Variants in CENPE observed in about 807,000 individuals in gnomAD.
CENPE encodes centromere-associated protein E.
CENPE carries 145 observed loss-of-function variants against 336.1 expected under a neutral mutation model. The observed-to-expected ratio is 0.43, with a 90% CI of 0.38 to 0.50. The LOEUF is 0.50. CENPE is among the 20% of genes least tolerant of loss of function. CENPE has a pLI of 0.00. For missense variants in CENPE, 2,719 were observed against 3,023.3 expected (o/e 0.90, Z 2.36); for synonymous variants, 1,013 against 984.8 (o/e 1.03, Z -0.54).
At chr4:103,152,860 T>C (rs894711089) in intron 25 of CENPE, among the ~76,000 whole-genome samples, 187 bp downstream of exon 25, 1 of 152,070 alleles carries the variant, frequency 6.6e-6, no homozygotes, top group East Asian at 1.9e-4. Flanking sequence ...CTGGGGGTGA[T>C]GGAAACATCT....
At chr4:103,192,222 T>C (rs1310536150) in intron 8 of CENPE, among the ~76,000 whole-genome samples, 8 of 152,146 alleles carry the variant, frequency 5.3e-5, no homozygotes, top group African/African-American at 1.9e-4. Context: ...TAATTTTTCT[T>C]GCACAGTGTC....
intron 42 of CENPE, among the ~76,000 whole-genome samples, chr4:103,124,898 G>A (rs192934270): frequency 5.3e-5 from 8 of 152,230 alleles, no homozygotes; most frequent in Admixed American, 3.9e-4. Context: ...AGTTATTAAT[G>A]CCTACTCTTA....
At position 103,149,388 on chromosome 4, in the gene CENPE, T is replaced by C. The variant is rs760007081; in HGVS notation, c.3417A>G (p.Lys1139=). 2.5e-5 allele frequency: 39 copies of C among 1,568,670 alleles called. No individual in the cohort carries two copies. The South Asian group carries it at 4.7e-4, about 19-fold the overall frequency. ...LKEKSQQLQE[K]QQQLLNVQEE... is the part of the protein sequence containing the mutation. ...CTTGTACATTAAGAAGTTGTTGCTG[T>C]TTTTCTTGGAGTTGCTGGCTCTTAA... Residue 1139 remains lysine, a synonymous_variant, in exon 27 of 49, where the codon AAA becomes AAG. Coordinates refer to ENST00000265148, the MANE Select transcript of CENPE (RefSeq NM_001813.3).
chr4:103,114,273 T>C (rs1399595083), intron 46 of CENPE, among the ~76,000 whole-genome samples, 182 bp downstream of exon 46: 1 of 152,172 alleles, frequency 6.6e-6, no homozygotes, highest in Non-Finnish European at 1.5e-5. Context: ...GCATCTAAGA[T>C]TACAACAAAC....
chr4:103,141,695 A>G (rs1578593499), intron 35 of CENPE, 55 bp downstream of exon 35: 15 of 1,296,588 alleles, frequency 1.2e-5, no homozygotes, highest in African/African-American at 3.0e-5. Context: ...ATCCCCAACA[A>G]TTTTAGGCAC....
At chr4:103,174,172 T>TAA (rs201538196) in intron 16 of CENPE, among the ~76,000 whole-genome samples, 7,519 of 143,106 alleles carry the variant, frequency 0.053, 322 homozygotes, top group Admixed American at 0.11. Context: ...TTCAGCTATT[T>TAA]AAAAAAAAAA....
In CENPE at chr4:103,195,174, A is replaced by G. The variant is rs368208106; in HGVS notation, c.417T>C (p.Ile139=). ...TTTGAGTGCCACAGAGTAAATCTGT[A>G]ATGGTTTCATTGTATATTTCCATGT... ...VSYMEIYNET[I]TDLLCGTQKM... is the part of the protein sequence containing the mutation. The change falls in exon 5 of 49, where the codon ATT becomes ATC. Residue 139 remains isoleucine (I), a synonymous_variant. Coordinates refer to ENST00000265148, the MANE Select transcript of CENPE (RefSeq NM_001813.3). 8.2e-5 allele frequency: 131 copies of G among 1,591,130 alleles called. No homozygotes were observed. Among genetic ancestry groups the G allele is most frequent in the Non-Finnish European group, 1.1e-4 (130 of 1,170,770 alleles).
chr4:103,190,181 T>G (rs1287920748), intron 8 of CENPE, among the ~76,000 whole-genome samples: 7 of 152,136 alleles, frequency 4.6e-5, no homozygotes, highest in Admixed American at 4.6e-4. Flanking sequence ...TGCTCATGGG[T>G]AGGAAGAATC....
chr4:103,170,542 TAATA>T, intron 16 of CENPE, among the ~76,000 whole-genome samples: 1 of 152,166 alleles, frequency 6.6e-6, no homozygotes. Flanking sequence ...AAAAAACCTA[TAATA>T]AATACACTAA....
Position 103,148,981 on chromosome 4 carries a change from C to G in CENPE, c.3706G>C (p.Glu1236Gln). The G allele has an allele frequency of 1.2e-6, 2 of 1,613,146 alleles. No individual in the cohort carries two copies. The highest frequency in any genetic ancestry group is 8.5e-7 in the Non-Finnish European group (1 of 1,179,774). Residue 1236 changes from glutamate to glutamine, a missense_variant, in exon 28 of 49, where the codon GAA becomes CAA. Physicochemically the swap from Glu to Gln is conservative, Grantham distance 29 (BLOSUM62 2). Transcript: ENST00000265148. ...IEATGLQTKEELKIAHIHLKE... is the reference protein window; with the variant it reads ...IEATGLQTKEQLKIAHIHLKE... Reference sequence around the variant, plus strand: ...AGGTGAATATGAGCAATTTTTAGTTCTTCTTTGGTTTGTAGGCCCTTGGCG... The same window carrying G: ...AGGTGAATATGAGCAATTTTTAGTTGTTCTTTGGTTTGTAGGCCCTTGGCG...
At chr4:103,138,738 T>C (rs1752288930) in intron 38 of CENPE, among the ~76,000 whole-genome samples, 1 of 152,118 alleles carries the variant, frequency 6.6e-6, no homozygotes, top group Non-Finnish European at 1.5e-5. Context: ...GCATGGTAGC[T>C]CACGCCTGTA....
rs1049101180 is a variant in CENPE at position 103,132,734 on chromosome 4, T to C, written c.6883A>G (p.Arg2295Gly). 3 of 1,565,640 alleles carry C rather than the reference T, an allele frequency of 1.9e-6. No homozygotes were observed. The highest frequency in any genetic ancestry group is 2.6e-6 in the Non-Finnish European group (3 of 1,142,444). Residue 2295 changes from arginine to glycine, a missense_variant, in exon 42 of 49, where the codon AGG (arginine) becomes GGG (glycine). Arg to Gly is a moderately radical substitution (Grantham distance 125). This residue lies in a region of CENPE where 2,437 missense variants were observed against 2,513.3 expected (regional missense o/e 0.97). Transcript: ENST00000265148. ...LKNGIQKEND[R>G]ICQVNNFFNN... Reference sequence around the variant, plus strand: ...AAGAAGTTATTCACTTGACAAATCCTATCATTTTCTTTCTGGATGCCATTT... The same window carrying C: ...AAGAAGTTATTCACTTGACAAATCCCATCATTTTCTTTCTGGATGCCATTT...
Position 103,167,900 on chromosome 4 carries a change from G to A in CENPE, c.1648-4347C>T, listed in dbSNP as rs79705557. Among the ~76,000 whole-genome samples, 5 of 152,242 alleles carry A rather than the reference G, an allele frequency of 3.3e-5. No homozygotes were observed. The East Asian group carries it at 5.8e-4, about 18-fold the overall frequency. On this transcript the variant is annotated intron_variant, in intron 16 of 48. Coordinates refer to ENST00000265148, the MANE Select transcript of CENPE (RefSeq NM_001813.3). ...CGGCAGATGGGCTCTTCTGCCTGTC[G>A]ACATTGGTCTTGGCAGTGGACCCAA... is the stretch of plus-strand genomic sequence containing the variant.
At chr4:103,106,546 G>A (rs1018614774) in intron 48 of CENPE, among the ~76,000 whole-genome samples, 1 of 152,300 alleles carries the variant, frequency 6.6e-6, no homozygotes, top group East Asian at 1.9e-4. Context: ...GTTAAACTGA[G>A]AGGTAATAAA....
At chr4:103,157,404 C>G (rs1754053532) in intron 24 of CENPE, among the ~76,000 whole-genome samples, 1 of 151,876 alleles carries the variant, frequency 6.6e-6, no homozygotes, top group Admixed American at 6.6e-5. Context: ...TGGAAATTTA[C>G]TCATAAAAAG....
intron 26 of CENPE, among the ~76,000 whole-genome samples, chr4:103,150,789 A>G (rs115367287): frequency 1.5e-3 from 230 of 152,302 alleles, no homozygotes; most frequent in African/African-American, 5.3e-3. Context: ...TAACTTCTAT[A>G]TAAGAAATGA....
intron 27 of CENPE, 51 bp from the exon 28 acceptor site, chr4:103,149,050 C>T (rs1244991382): frequency 1.3e-6 from 2 of 1,591,476 alleles, no homozygotes; most frequent in Non-Finnish European, 1.7e-6. Flanking sequence ...AACATTGCTC[C>T]CCTCTTTCCA....
At position 103,127,541 on chromosome 4, in the gene CENPE, T is replaced by TA. The variant is rs1458051741; in HGVS notation, c.6925-4453dup. ...GCACAAGAGAAGGAATAAGTGAAGGTAAAACAAAAACTTATTTTCTTATTC... is the reference window on the plus strand; with the variant it reads ...GCACAAGAGAAGGAATAAGTGAAGGTAAAAACAAAAACTTATTTTCTTATTC... On this transcript the variant is annotated intron_variant, in intron 42 of 48. Coordinates refer to ENST00000265148, the MANE Select transcript of CENPE (RefSeq NM_001813.3). 2.0e-5 allele frequency among the ~76,000 whole-genome samples: 3 copies of TA among 152,148 alleles called. No individual in the cohort carries two copies. In the East Asian group the frequency reaches 5.8e-4, roughly 29 times the overall value.
At position 103,147,633 on chromosome 4, in the gene CENPE, T is replaced by G. The variant is rs761768156; in HGVS notation, c.3857A>C (p.His1286Pro). The G allele has an allele frequency of 2.7e-5, 43 of 1,611,410 alleles. No homozygotes were observed. In the East Asian group the frequency reaches 9.4e-4, roughly 35 times the overall value. ...ATTAGGCAGTAACTCTTGTTCCTCA[T>G]GAAGCACTGGGATCTTAGGACATTC... ...TKLQEEIPVL[H>P]EEQELLPNVK... The change falls in exon 29 of 49, where the codon CAT becomes CCT. Residue 1286 changes from histidine (H) to proline (P), a missense_variant. Physicochemically the swap from His to Pro is moderately conservative, Grantham distance 77. Around this residue, in one of 5 missense-constraint regions of CENPE, gnomAD observed 2,437 missense variants for 2,513.3 expected, o/e 0.97. Coordinates refer to ENST00000265148, the MANE Select transcript of CENPE (RefSeq NM_001813.3).
Sources: gnomAD v4.1 joint callset for allele counts (sites outside exome capture counted in the v4.1 genomes callset) on GRCh38, gnomAD v4.1.1 for gene constraint, gnomAD v4.1.1 regional missense constraint, MANE v1.5 for transcripts, NCBI Gene and HGNC (gene_info 2026-07-23, HGNC 2026-07-21) for gene names.